The following NLGN1 variants were observed in gnomAD, a reference collection of about 807,000 sequenced individuals.
NLGN1 encodes the protein neuroligin 1, also known as neuroligin-1.
In NLGN1, 12 loss-of-function variants were observed where a neutral mutation model predicts 65.5. That is an observed-to-expected ratio of 0.18 (90% CI 0.12 to 0.30). NLGN1 has a LOEUF of 0.30. Among genes scored for constraint, NLGN1 ranks in the 10% least tolerant of loss-of-function variants. The pLI, the probability that NLGN1 is intolerant of heterozygous loss-of-function variation, is 1.00. For missense variants in NLGN1, 750 were observed against 1,007.1 expected (o/e 0.74, Z 3.46); for synonymous variants, 350 against 359.5 (o/e 0.97, Z 0.30).
intron 4 of NLGN1, among the ~76,000 whole-genome samples, chr3:174,233,208 C>T (rs187405649): frequency 6.6e-6 from 1 of 152,158 alleles, no homozygotes; most frequent in Admixed American, 6.5e-5. Flanking sequence ...AGGTGCCAGG[C>T]ACAGTGACTC....
At chr3:174,000,453 G>A (rs1448885645) in intron 4 of NLGN1, among the ~76,000 whole-genome samples, 3 of 152,116 alleles carry the variant, frequency 2.0e-5, no homozygotes, top group South Asian at 2.1e-4. Flanking sequence ...CAGGTATGGA[G>A]GCAAGGTGAG....
chr3:173,936,321 A>G (rs1340412404), intron 4 of NLGN1, among the ~76,000 whole-genome samples: 1 of 152,052 alleles, frequency 6.6e-6, no homozygotes, highest in African/African-American at 2.4e-5. Flanking sequence ...CTTCATAAGT[A>G]CCATGCATTT....
chr3:173,466,799 T>A (rs2148909328), intron 2 of NLGN1, among the ~76,000 whole-genome samples: 1 of 152,280 alleles, frequency 6.6e-6, no homozygotes, highest in East Asian at 1.9e-4. Context: ...ACTTTAGAAA[T>A]GCTGTAATAC....
chr3:174,251,593 A>G (rs1179124330), intron 4 of NLGN1, among the ~76,000 whole-genome samples: 1 of 152,292 alleles, frequency 6.6e-6, no homozygotes, highest in East Asian at 1.9e-4. Flanking sequence ...GCATGATGAT[A>G]TTTCTTTTGG....
At chr3:174,176,891 C>A (rs1729549647) in intron 4 of NLGN1, among the ~76,000 whole-genome samples, 1 of 151,456 alleles carries the variant, frequency 6.6e-6, no homozygotes, top group Non-Finnish European at 1.5e-5. Flanking sequence ...GTAGGGGCTG[C>A]CTCAATTTTA....
chr3:173,529,254 G>A (rs1259998050), intron 2 of NLGN1, among the ~76,000 whole-genome samples: 1 of 152,072 alleles, frequency 6.6e-6, no homozygotes, highest in African/African-American at 2.4e-5. Context: ...TTGACCTACC[G>A]GCCAGTAGGT....
At chr3:173,817,662 A>G in intron 4 of NLGN1, among the ~76,000 whole-genome samples, 1 of 152,192 alleles carries the variant, frequency 6.6e-6, no homozygotes, top group East Asian at 1.9e-4. Flanking sequence ...AATCAATATG[A>G]GTTATATTTC....
At chr3:173,775,933 G>T (rs966729454) in intron 3 of NLGN1, among the ~76,000 whole-genome samples, 8 of 152,110 alleles carry the variant, frequency 5.3e-5, no homozygotes, top group Non-Finnish European at 5.9e-5. Flanking sequence ...AGACAGTCCA[G>T]ATATGAAAAC....
intron 4 of NLGN1, among the ~76,000 whole-genome samples, chr3:174,237,308 T>G (rs181825936): frequency 2.0e-5 from 3 of 152,192 alleles, no homozygotes; most frequent in Non-Finnish European, 4.4e-5. Context: ...TATTACATTT[T>G]GTTTTGTTCA....
intron 4 of NLGN1, among the ~76,000 whole-genome samples, chr3:174,077,841 A>G (rs1741333440): frequency 6.6e-6 from 1 of 152,180 alleles, no homozygotes; most frequent in Admixed American, 6.5e-5. Context: ...GGCCTGAGCC[A>G]CTGTACCTGG....
At chr3:173,586,073 A>G (rs1747390671) in intron 2 of NLGN1, among the ~76,000 whole-genome samples, 1 of 152,212 alleles carries the variant, frequency 6.6e-6, no homozygotes, top group African/African-American at 2.4e-5. Flanking sequence ...TGAGGGATGT[A>G]TATAAATGTG....
Position 173,451,945 on chromosome 3 carries a change from A to G in NLGN1, c.-321+16867A>G, listed in dbSNP as rs143817437. ...AGGGTGGGAGTGACCCGATTTTCCAAGTGCCATCTGTCACCTGTTTCTTTG... is the reference window on the plus strand; with the variant it reads ...AGGGTGGGAGTGACCCGATTTTCCAGGTGCCATCTGTCACCTGTTTCTTTG... On this transcript the variant is annotated intron_variant, in intron 2 of 6. Coordinates refer to ENST00000457714, the Ensembl canonical transcript of NLGN1. Among the ~76,000 whole-genome samples, 587 of 152,282 alleles carry G rather than the reference A, an allele frequency of 3.9e-3. 4 individuals are homozygous for G. The highest frequency in any genetic ancestry group is 0.013 in the African/African-American group (550 of 41,576).
At chr3:173,932,993 G>A (rs1048380506) in intron 4 of NLGN1, among the ~76,000 whole-genome samples, 3 of 152,134 alleles carry the variant, frequency 2.0e-5, no homozygotes, top group South Asian at 4.1e-4. Flanking sequence ...TGGTGGGTAA[G>A]GATGGGATTT....
intron 4 of NLGN1, among the ~76,000 whole-genome samples, chr3:173,877,935 T>C (rs1251782976): frequency 6.6e-6 from 1 of 152,196 alleles, no homozygotes; most frequent in Non-Finnish European, 1.5e-5. Context: ...ATTTTACTTC[T>C]GGAATATGTA....
chr3:173,914,633 T>C (rs1458584490), intron 4 of NLGN1, among the ~76,000 whole-genome samples: 1 of 152,134 alleles, frequency 6.6e-6, no homozygotes, highest in East Asian at 1.9e-4. Context: ...GTAGAGTATG[T>C]GTGTGGTGGC....
intron 2 of NLGN1, among the ~76,000 whole-genome samples, chr3:173,445,312 G>GATCTAT (rs1720057402): frequency 6.7e-6 from 1 of 149,574 alleles, no homozygotes; most frequent in African/African-American, 2.5e-5. Context: ...CTTGTGTGAA[G>GATCTAT]ATCTATTATG....
chr3:173,413,028 C>T (rs539043901), intron 1 of NLGN1, among the ~76,000 whole-genome samples: 12 of 152,296 alleles, frequency 7.9e-5, no homozygotes, highest in African/African-American at 2.6e-4. Context: ...GTGCTTGACT[C>T]CCTGGCGATA....
chr3:174,194,675 T>C (rs1294961865), intron 4 of NLGN1, among the ~76,000 whole-genome samples: 1 of 150,362 alleles, frequency 6.7e-6, no homozygotes, highest in East Asian at 2.0e-4. Context: ...AAGAAGTAAA[T>C]AAACATTTGT....
At chr3:173,466,162 G>A (rs555152911) in intron 2 of NLGN1, among the ~76,000 whole-genome samples, 1 of 152,246 alleles carries the variant, frequency 6.6e-6, no homozygotes, top group African/African-American at 2.4e-5. Context: ...TTGAGCAATT[G>A]TGGTATAGAG....
Sources: allele counts gnomAD v4.1 joint callset (sites outside exome capture counted in the v4.1 genomes callset), GRCh38; gene constraint gnomAD v4.1.1; transcripts MANE v1.5; gene names NCBI Gene and HGNC (gene_info 2026-07-23, HGNC 2026-07-21).